RRBP1: variants seen among roughly 807,000 people sequenced by gnomAD.
The protein encoded by RRBP1 is ribosome-binding protein 1.
RRBP1 carries 94 observed loss-of-function variants against 165.2 expected under a neutral mutation model. The observed-to-expected ratio is 0.57, with a 90% CI of 0.48 to 0.68. The LOEUF is 0.68. RRBP1 is among the 30% of genes least tolerant of loss of function. RRBP1 has a pLI of 0.00. For missense variants in RRBP1, 1,676 were observed against 1,763.0 expected, an observed-to-expected ratio of 0.95 and a Z score of 0.88; for synonymous variants, 680 against 714.5, an observed-to-expected ratio of 0.95 and a Z score of 0.77.
At chr20:17,614,629 C>G in intron 24 of RRBP1, 108 bp downstream of exon 24, 9 of 1,420,096 alleles carry the variant, frequency 6.3e-6, no homozygotes, top group Non-Finnish European at 6.7e-6. Flanking sequence ...CAGCCCAGCG[C>G]TCCCAGCAGC....
intron 17 of RRBP1, 124 bp from the exon 18 acceptor site, chr20:17,620,494 A>T (rs1441132060): frequency 1.1e-6 from 1 of 944,204 alleles, no homozygotes; most frequent in Non-Finnish European, 1.7e-6. Flanking sequence ...CACTCCGCCC[A>T]GCTGGGACGG....
At chr20:17,625,320 T>C (rs992592396) in intron 12 of RRBP1, among the ~76,000 whole-genome samples, 192 bp downstream of exon 12, 1 of 152,106 alleles carries the variant, frequency 6.6e-6, no homozygotes, top group Non-Finnish European at 1.5e-5. Context: ...CAGTCAGCCC[T>C]GGGTCTTTGG....
chr20:17,662,461 C>A (rs972507950), intron 2 of RRBP1, among the ~76,000 whole-genome samples: 5 of 152,268 alleles, frequency 3.3e-5, no homozygotes, highest in Non-Finnish European at 7.3e-5. Context: ...CGGCGTTGAG[C>A]GAGACTGAGT....
intron 2 of RRBP1, among the ~76,000 whole-genome samples, chr20:17,678,894 T>A (rs2037129054): frequency 6.6e-6 from 1 of 152,068 alleles, no homozygotes; most frequent in Admixed American, 6.5e-5. Flanking sequence ...GTGAAAAAAA[T>A]GAAATGAAAA....
chr20:17,619,960 C>G (rs766409072), intron 18 of RRBP1: 11 of 544,638 alleles, frequency 2.0e-5, no homozygotes. Flanking sequence ...GATTTACTTG[C>G]AAAAGCAGGT....
chr20:17,668,487 G>A (rs1395376528), intron 2 of RRBP1, among the ~76,000 whole-genome samples: 1 of 152,128 alleles, frequency 6.6e-6, no homozygotes, highest in Non-Finnish European at 1.5e-5. Context: ...TTTTATCTTT[G>A]CTTCAACTAG....
chr20:17,662,374 A>T (rs2043028835), intron 2 of RRBP1, among the ~76,000 whole-genome samples: 1 of 152,196 alleles, frequency 6.6e-6, no homozygotes, highest in African/African-American at 2.4e-5. Context: ...CATGACGAAG[A>T]AACTTCCTAG....
intron 6 of RRBP1, among the ~76,000 whole-genome samples, chr20:17,636,020 G>A (rs1003522557): frequency 3.3e-5 from 5 of 152,200 alleles, no homozygotes; most frequent in African/African-American, 1.2e-4. Flanking sequence ...TAACCCCCCT[G>A]AGGAAGCCTC....
chr20:17,644,727 G>A (rs981727511), intron 3 of RRBP1, among the ~76,000 whole-genome samples: 5 of 152,232 alleles, frequency 3.3e-5, no homozygotes, highest in Admixed American at 1.3e-4. Context: ...CACCTGCAAC[G>A]TGGCTGGCCT....
chr20:17,616,997 C>T (rs905535726), intron 20 of RRBP1, among the ~76,000 whole-genome samples, 158 bp from the exon 21 acceptor site: 2 of 152,180 alleles, frequency 1.3e-5, no homozygotes, highest in African/African-American at 4.8e-5. Context: ...TCTGGCCACC[C>T]CCGCCGCCAA....
rs984346075 is a variant in RRBP1, at chr20:17,624,785, G to C, written c.3055-117C>G. The C allele has an allele frequency of 4.2e-6, 3 of 720,514 alleles. No individual in the cohort carries two copies. The East Asian group carries it at 8.1e-5, about 20-fold the overall frequency. 44.6% of individuals were successfully genotyped at this position (720,514 alleles called of 1,614,324 possible). A position where few individuals can be genotyped will look rare whatever the true frequency, so the allele number is the denominator to read the frequency against. On this transcript the variant is annotated intron_variant, in intron 12 of 24. Transcript: ENST00000377813. ...CCTTGATGCCACCCTGGCCCACAGA[G>C]GACCTGCCACGGGACAAAATGCCCC... is the stretch of plus-strand genomic sequence containing the variant.
chr20:17,636,245 GGT>G (rs1310883515), intron 6 of RRBP1, among the ~76,000 whole-genome samples: 1 of 152,254 alleles, frequency 6.6e-6, no homozygotes, highest in Non-Finnish European at 1.5e-5. Flanking sequence ...CGTTTCTCTA[GGT>G]TCACATGAAG....
In RRBP1 at chr20:17,659,747, C is replaced by T. The variant is rs2036723650; in HGVS notation, c.761G>A (p.Gly254Glu). ...GTPNQGKKAE[G>E]TPNQGKKAEG... The stretch of plus-strand genomic sequence containing the variant: ...CGCCTTTTTGCCTTGGTTTGGGGTT[C>T]CTTCTGCCTTTTTGCCTTGGTTTGG... The change falls in exon 3 of 25, where the codon GGA becomes GAA. Residue 254 changes from glycine to glutamate, a missense_variant. This residue lies in a region of RRBP1 where 392 missense variants were observed against 382.5 expected (regional missense o/e 1.02). Transcript: ENST00000377813. The T allele has an allele frequency of 1.9e-6, 3 of 1,550,208 alleles. No homozygotes were observed. The highest frequency in any genetic ancestry group is 2.0e-5 in the Admixed American group (1 of 50,946).
rs758639464 is a variant in RRBP1, at chr20:17,658,981, G to A, written c.1527C>T (p.Gly509=). 6 of 1,611,406 alleles carry A rather than the reference G, an allele frequency of 3.7e-6. No individual in the cohort carries two copies. In the African/African-American group the frequency reaches 8.0e-5, roughly 22 times the overall value. Residue 509 remains glycine (G), a synonymous_variant, in exon 3 of 25, where the codon GGC becomes GGT. Coordinates refer to ENST00000377813, the MANE Select transcript of RRBP1 (RefSeq NM_001365613.2). The part of the protein sequence containing the change: ...GKKAEGAQNQ[G]QKGEGAQNQG... ...GATTCTGGGCTCCCTCTCCTTTTTG[G>A]CCCTGGTTCTGGGCTCCCTCGGCCT...
intron 17 of RRBP1, 51 bp downstream of exon 17, chr20:17,620,664 C>T (rs755057468): frequency 2.9e-6 from 4 of 1,395,916 alleles, no homozygotes; most frequent in Admixed American, 3.5e-5. Context: ...CAACTCTCCC[C>T]TGGGCTTCAT....
chr20:17,636,824 G>A (rs1288777465), intron 5 of RRBP1, 95 bp from the exon 6 acceptor site: 3 of 1,498,942 alleles, frequency 2.0e-6, no homozygotes, highest in African/African-American at 1.4e-5. Context: ...TGGGAGGCTG[G>A]AGAGCAGAGC....
chr20:17,667,486 A>G (rs1298505758), intron 2 of RRBP1, among the ~76,000 whole-genome samples: 1 of 152,194 alleles, frequency 6.6e-6, no homozygotes, highest in Non-Finnish European at 1.5e-5. Flanking sequence ...CAAATATTTA[A>G]GGCAATAAAT....
intron 2 of RRBP1, among the ~76,000 whole-genome samples, chr20:17,665,590 G>T (rs940424361): frequency 1.3e-5 from 2 of 152,002 alleles, no homozygotes; most frequent in East Asian, 1.9e-4. Context: ...CCAGGCTGGG[G>T]TTTATTTATT....
intron 13 of RRBP1, among the ~76,000 whole-genome samples, chr20:17,622,169 C>T (rs1416192242): frequency 6.6e-6 from 1 of 152,200 alleles, no homozygotes; most frequent in African/African-American, 2.4e-5. Flanking sequence ...ACAGACTAAG[C>T]TCTGATGAAA....
Sources: allele counts gnomAD v4.1 joint callset (sites outside exome capture counted in the v4.1 genomes callset), GRCh38; gene constraint gnomAD v4.1.1; regional missense constraint gnomAD v4.1.1; transcripts MANE v1.5; gene names NCBI Gene and HGNC (gene_info 2026-07-23, HGNC 2026-07-21).